The following RAP1B variants were observed in gnomAD, a reference collection of about 807,000 sequenced individuals.
RAP1B encodes the protein ras-related protein Rap-1b.
A neutral mutation model predicts 27.5 loss-of-function variants in RAP1B; 1 was observed. The ratio of observed to expected loss-of-function variants is 0.04; its 90% CI spans 0.01 to 0.17. The LOEUF (loss-of-function observed/expected upper bound fraction) is 0.17. RAP1B is among the 10% of genes least tolerant of loss of function. The probability of loss-of-function intolerance (pLI) is 1.00; values close to 1 mark genes in which losing one functional copy is unlikely to be tolerated. For missense variants in RAP1B, 84 were observed against 214.8 expected, an observed-to-expected ratio of 0.39 and a Z score of 3.81; for synonymous variants, 75 against 73.1, an observed-to-expected ratio of 1.03 and a Z score of -0.13.
At chr12:68,653,177 C>G (rs956406787) in intron 4 of RAP1B, among the ~76,000 whole-genome samples, 2 of 152,118 alleles carry the variant, frequency 1.3e-5, no homozygotes, top group African/African-American at 2.4e-5. Context: ...CCACTGCACT[C>G]CAGCTTGGGT....
At chr12:68,658,073 A>G (rs147509914) in intron 7 of RAP1B, among the ~76,000 whole-genome samples, 13 of 152,332 alleles carry the variant, frequency 8.5e-5, no homozygotes, top group East Asian at 7.7e-4. Flanking sequence ...CTGTTTGCCA[A>G]TGATAATGGT....
intron 1 of RAP1B, among the ~76,000 whole-genome samples, chr12:68,630,825 C>T (rs998364270): frequency 6.6e-6 from 1 of 151,924 alleles, no homozygotes; most frequent in Admixed American, 6.6e-5. Flanking sequence ...GAACTACAGG[C>T]GCAGGCCACC....
intron 1 of RAP1B, among the ~76,000 whole-genome samples, chr12:68,629,355 G>T (rs1872068912): frequency 1.3e-5 from 2 of 152,088 alleles, no homozygotes. Context: ...GAAGGACATG[G>T]TAAGAGCTTT....
At chr12:68,617,178 A>G (rs1290844619) in intron 1 of RAP1B, among the ~76,000 whole-genome samples, 1 of 152,266 alleles carries the variant, frequency 6.6e-6, no homozygotes, top group Non-Finnish European at 1.5e-5. Context: ...CTGAAAGGGT[A>G]TCAATAAAAT....
At position 68,640,049 on chromosome 12, in the gene RAP1B, C is replaced by G. The variant is rs530322705; in HGVS notation, c.-26-8650C>G. Among the ~76,000 whole-genome samples the G allele has an allele frequency of 1.9e-4, 29 of 152,240 alleles. 1 individual carries two copies. The South Asian group carries it at 5.4e-3, about 28-fold the overall frequency. On this transcript the variant is annotated intron_variant, in intron 1 of 7. Transcript: ENST00000250559. ...AGAGATGGGGTTTCACCATGTTGGTCAGGATGGTCTCCATCTCCTGACCTC... is the reference window on the plus strand; with the variant it reads ...AGAGATGGGGTTTCACCATGTTGGTGAGGATGGTCTCCATCTCCTGACCTC...
At chr12:68,612,419 AC>A (rs1236170480) in intron 1 of RAP1B, among the ~76,000 whole-genome samples, 1 of 152,198 alleles carries the variant, frequency 6.6e-6, no homozygotes, top group Non-Finnish European at 1.5e-5. Context: ...GAGTCATGGG[AC>A]TTTTTAAGGG....
At chr12:68,656,474 G>T in intron 6 of RAP1B, 25 bp downstream of exon 6, 1 of 1,585,116 alleles carries the variant, frequency 6.3e-7, no homozygotes, top group Non-Finnish European at 8.7e-7. Flanking sequence ...ACTTAAAATG[G>T]GTCTTCATTT....
chr12:68,644,905 A>G, intron 1 of RAP1B, among the ~76,000 whole-genome samples: 1 of 151,366 alleles, frequency 6.6e-6, no homozygotes, highest in Non-Finnish European at 1.5e-5. Context: ...CTGGTCTTGA[A>G]CTTCTGACCA....
intron 1 of RAP1B, among the ~76,000 whole-genome samples, chr12:68,635,322 A>G (rs1370548056): frequency 6.6e-6 from 1 of 152,204 alleles, no homozygotes; most frequent in Non-Finnish European, 1.5e-5. Flanking sequence ...TTTGGGAATG[A>G]GAAAAGGACA....
chr12:68,641,806 AGT>A (rs1256214174), intron 1 of RAP1B, among the ~76,000 whole-genome samples: 10 of 151,168 alleles, frequency 6.6e-5, no homozygotes, highest in Admixed American at 5.9e-4. Context: ...AAAAAAAAAC[AGT>A]GTAGAAAATA....
rs1592423840 is a variant in RAP1B at position 68,621,462 on chromosome 12, C to T, written c.-27+10419C>T. ...TTCTTCCAGGAGCTCTCAACTTAAT[C>T]ATCCTTCAGCAAAAAAGAATTAAGA... is the stretch of plus-strand genomic sequence containing the variant. On this transcript the variant is annotated intron_variant, in intron 1 of 7. Transcript: ENST00000250559. 2.6e-5 allele frequency: 4 copies of T among 152,244 alleles called. No homozygotes were observed. The Middle Eastern group carries it at 0.014, about 518-fold the overall frequency. The allele number at this position is 152,244 out of a possible 1,614,324, so 9.4% of individuals were successfully genotyped here.
chr12:68,653,820 A>G (rs1035074216), intron 4 of RAP1B, among the ~76,000 whole-genome samples: 5 of 151,768 alleles, frequency 3.3e-5, no homozygotes, highest in Non-Finnish European at 7.4e-5. Context: ...TGTCCCAGCT[A>G]CTCGGGAGGC....
chr12:68,622,999 G>C (rs930271457), intron 1 of RAP1B, among the ~76,000 whole-genome samples: 8 of 152,132 alleles, frequency 5.3e-5, no homozygotes, highest in South Asian at 2.1e-4. Flanking sequence ...ACCACACCCA[G>C]CCTTAAACTA....
chr12:68,621,999 G>A (rs967752973), intron 1 of RAP1B, among the ~76,000 whole-genome samples: 1 of 152,106 alleles, frequency 6.6e-6, no homozygotes, highest in Non-Finnish European at 1.5e-5. Context: ...TGAGAACTCA[G>A]GTATTTGTTT....
rs1055930151 is a variant in RAP1B at position 68,662,623 on chromosome 12, A to C, written c.*3374A>C. 10 of 152,004 alleles carry C rather than the reference A, an allele frequency of 6.6e-5. No individual in the cohort carries two copies. Among genetic ancestry groups the C allele is most frequent in the Admixed American group, 3.9e-4 (6 of 15,250 alleles). The allele number at this position is 152,004 out of a possible 1,614,324, so 9.4% of individuals were successfully genotyped here. A position where few individuals can be genotyped will look rare whatever the true frequency, so the allele number is the denominator to read the frequency against. ...ATTGAATTTAATCTCCATCTATTCTATCTCTTCTTAAATCTTGGAAATGTA... is the reference window on the plus strand; with the variant it reads ...ATTGAATTTAATCTCCATCTATTCTCTCTCTTCTTAAATCTTGGAAATGTA... On this transcript the variant is annotated 3_prime_UTR_variant, in exon 8 of 8. Coordinates refer to ENST00000250559, the MANE Select transcript of RAP1B (RefSeq NM_001010942.3).
At chr12:68,658,848 A>C (rs952539282) in intron 7 of RAP1B, among the ~76,000 whole-genome samples, 2 of 152,230 alleles carry the variant, frequency 1.3e-5, no homozygotes, top group African/African-American at 4.8e-5. Context: ...TGTGCATTCT[A>C]TACTTATGAT....
At chr12:68,618,126 C>CG in intron 1 of RAP1B, among the ~76,000 whole-genome samples, 2 of 110,908 alleles carry the variant, frequency 1.8e-5, no homozygotes, top group East Asian at 6.5e-4. Context: ...TGGAGTCTGT[C>CG]GCCCAGGCTA....
At position 68,610,901 on chromosome 12, in the gene RAP1B, C is replaced by G. The variant is rs137885955; in HGVS notation, c.-169C>G. 9.0e-5 allele frequency: 27 copies of G among 299,850 alleles called. No homozygotes were observed. The East Asian group carries it at 1.3e-3, about 14-fold the overall frequency. The allele number at this position is 299,850 out of a possible 1,614,324, so 18.6% of individuals were successfully genotyped here. ...GGCTGAACGCCTGACGTCAAGGCGA[C>G]ATCGCCAAACCTCGCCCAGATTCAG... On this transcript the variant is annotated 5_prime_UTR_variant, in exon 1 of 8. Coordinates refer to ENST00000250559, the MANE Select transcript of RAP1B (RefSeq NM_001010942.3).
intron 1 of RAP1B, among the ~76,000 whole-genome samples, chr12:68,643,328 AACTT>A (rs1305264610): frequency 6.6e-6 from 1 of 152,216 alleles, no homozygotes; most frequent in African/African-American, 2.4e-5. Flanking sequence ...TTAAAGTACT[AACTT>A]AAGTCCTTTG....
Sources: allele counts gnomAD v4.1 joint callset (sites outside exome capture counted in the v4.1 genomes callset), GRCh38; gene constraint gnomAD v4.1.1; transcripts MANE v1.5; gene names NCBI Gene and HGNC (gene_info 2026-07-23, HGNC 2026-07-21).